The following RGS6 variants were observed in gnomAD, a reference collection of about 807,000 sequenced individuals.
RGS6 encodes the protein regulator of G-protein signaling 6.
RGS6 carries 30 observed loss-of-function variants against 78.5 expected under a neutral mutation model. The ratio of observed to expected loss-of-function variants is 0.38; its 90% CI spans 0.29 to 0.52. RGS6 has a LOEUF of 0.52. Among genes scored for constraint, RGS6 ranks in the 20% least tolerant of loss-of-function variants. The pLI, the probability that RGS6 is intolerant of heterozygous loss-of-function variation, is 0.85. For missense variants in RGS6, 495 were observed against 609.7 expected (o/e 0.81, Z 1.98); for synonymous variants, 206 against 206.0 (o/e 1.00, Z 0.00).
rs545309600 is a variant in RGS6, at chr14:72,478,389, C to T, written c.854+60C>T. ...CTAATTTAACAGGGAAGAAATGTTA[C>T]AGGGTTATGGTTAACGAATGTGTTC... is the stretch of plus-strand genomic sequence containing the variant. On this transcript the variant is annotated intron_variant, in intron 12 of 17. Coordinates refer to ENST00000553525, the MANE Select transcript of RGS6 (RefSeq NM_001204424.2). 4 of 1,207,260 alleles carry T rather than the reference C, an allele frequency of 3.3e-6. No homozygotes were observed. In the African/African-American group the frequency reaches 4.5e-5, roughly 14 times the overall value. 74.8% of individuals were successfully genotyped at this position (1,207,260 alleles called of 1,614,324 possible).
intron 2 of RGS6, among the ~76,000 whole-genome samples, chr14:72,217,202 G>A (rs1391089498): frequency 6.6e-6 from 1 of 152,120 alleles, no homozygotes; most frequent in East Asian, 1.9e-4. Flanking sequence ...GGTGGGAAAG[G>A]AACAGATTGT....
In RGS6 at chr14:72,135,679, G is replaced by T. The variant is rs998158620; in HGVS notation, c.84+170804G>T. ...TCTCCTAACATTTTTGTGGGGGTGG[G>T]TGGACTGGTGGGTGACTGTAGTGAT... On this transcript the variant is annotated intron_variant, in intron 2 of 17. Transcript: ENST00000553525. Among the ~76,000 whole-genome samples the T allele has an allele frequency of 2.0e-5, 3 of 152,010 alleles. No individual in the cohort carries two copies. In the South Asian group the frequency reaches 6.2e-4, roughly 32 times the overall value.
At chr14:71,891,173 T>A in the RGS6 span, among the ~76,000 whole-genome samples, 3 of 152,320 alleles carry the variant, frequency 2.0e-5, no homozygotes, top group Middle Eastern at 6.8e-3. Flanking sequence ...CTCACCCAGA[T>A]CTCCTGTAGG....
chr14:71,973,051 C>T lies in RGS6; in HGVS notation c.84+8176C>T, dbSNP rs142241072. ...TATCTGGGTATTTGTTCTGGCTGCC[C>T]CACTCCACTAGCTCATTTATGGCCA... On this transcript the variant is annotated intron_variant, in intron 2 of 17. Transcript: ENST00000553525. Among the ~76,000 whole-genome samples the T allele has an allele frequency of 6.8e-3, 1,029 of 152,250 alleles. 5 individuals are homozygous for T. Among genetic ancestry groups the T allele is most frequent in the Non-Finnish European group, 0.011 (781 of 67,998 alleles).
intron 3 of RGS6, among the ~76,000 whole-genome samples, chr14:72,405,963 C>T (rs554372541): frequency 3.6e-4 from 55 of 152,300 alleles, no homozygotes; most frequent in African/African-American, 1.2e-3. Context: ...AAGGTTTCCT[C>T]CAGGATTGCT....
chr14:72,601,168 G>T, the RGS6 span, among the ~76,000 whole-genome samples: 1 of 152,096 alleles, frequency 6.6e-6, no homozygotes, highest in Non-Finnish European at 1.5e-5. Context: ...AACCCGAAAG[G>T]GGGCTCAGCC....
At chr14:72,174,779 T>C (rs2097083157) in intron 2 of RGS6, among the ~76,000 whole-genome samples, 1 of 152,180 alleles carries the variant, frequency 6.6e-6, no homozygotes, top group Admixed American at 6.5e-5. Context: ...TATTCAACCA[T>C]TGAACAGCAT....
intron 2 of RGS6, among the ~76,000 whole-genome samples, chr14:72,130,193 G>A (rs1253483245): frequency 3.9e-5 from 6 of 152,190 alleles, no homozygotes. Context: ...GAGAATTTAT[G>A]TAGGGTGAGG....
rs186196268 is a variant in RGS6, at chr14:72,503,841, G to A, written c.966-6313G>A. ...GGCAGCATCATCCCCACAGCTTGGT[G>A]GGATGGCCCTACAGCAGCTTTCTCC... is the stretch of plus-strand genomic sequence containing the variant. On this transcript the variant is annotated intron_variant, in intron 13 of 17. Coordinates refer to ENST00000553525, the MANE Select transcript of RGS6 (RefSeq NM_001204424.2). Among the ~76,000 whole-genome samples the A allele has an allele frequency of 7.6e-4, 115 of 152,284 alleles. 1 individual carries two copies. The highest frequency in any genetic ancestry group is 1.7e-3 in the South Asian group (8 of 4,822).
At chr14:72,240,301 G>C (rs554263795) in intron 2 of RGS6, among the ~76,000 whole-genome samples, 1 of 152,290 alleles carries the variant, frequency 6.6e-6, no homozygotes, top group South Asian at 2.1e-4. Flanking sequence ...CAGTGAGTAG[G>C]CAAGTCAACT....
intron 2 of RGS6, among the ~76,000 whole-genome samples, chr14:71,993,668 AT>A: frequency 6.6e-6 from 1 of 152,164 alleles, no homozygotes; most frequent in Non-Finnish European, 1.5e-5. Flanking sequence ...TTACAGGTTT[AT>A]TATAGCCTTT....
At chr14:72,115,361 C>T (rs78141959) in intron 2 of RGS6, among the ~76,000 whole-genome samples, 7,267 of 152,204 alleles carry the variant, frequency 0.048, 214 homozygotes, top group African/African-American at 0.083. Context: ...AAAATGGACA[C>T]GAAGCTGGGG....
At chr14:72,544,987 G>A (rs1455071054) in intron 17 of RGS6, among the ~76,000 whole-genome samples, 1 of 152,234 alleles carries the variant, frequency 6.6e-6, no homozygotes, top group Non-Finnish European at 1.5e-5. Flanking sequence ...CAGGAAGGCG[G>A]TGTTGTTTTC....
At chr14:72,383,213 T>TATATACACAC (rs1387301746) in intron 3 of RGS6, among the ~76,000 whole-genome samples, 5 of 118,336 alleles carry the variant, frequency 4.2e-5, no homozygotes, top group African/African-American at 1.6e-4. Flanking sequence ...TATATATATA[T>TATATACACAC]ACACACAAAC....
chr14:72,295,528 A>G (rs928501895), intron 2 of RGS6, among the ~76,000 whole-genome samples: 3 of 152,174 alleles, frequency 2.0e-5, no homozygotes, highest in African/African-American at 7.2e-5. Flanking sequence ...GAGGGGAGAT[A>G]TGAAACAACG....
chr14:72,178,134 G>T (rs2097130285), intron 2 of RGS6, among the ~76,000 whole-genome samples: 1 of 152,168 alleles, frequency 6.6e-6, no homozygotes, highest in Admixed American at 6.5e-5. Context: ...ATAGGTTGGT[G>T]GACCATTTTC....
At chr14:72,193,798 A>G (rs10151019) in intron 2 of RGS6, among the ~76,000 whole-genome samples, 126,579 of 152,084 alleles carry the variant, frequency 0.83, 52,832 homozygotes, top group East Asian at 0.94. Context: ...CTGGTAGAAA[A>G]CTCTGAGTCC....
chr14:72,024,934 C>G (rs1270120565), intron 2 of RGS6, among the ~76,000 whole-genome samples: 6 of 152,164 alleles, frequency 3.9e-5, no homozygotes, highest in African/African-American at 1.4e-4. Flanking sequence ...ACACTCAGCT[C>G]TTGGCAGTTT....
At chr14:72,503,638 A>C (rs1303475220) in intron 13 of RGS6, among the ~76,000 whole-genome samples, 1 of 152,210 alleles carries the variant, frequency 6.6e-6, no homozygotes, top group Non-Finnish European at 1.5e-5. Flanking sequence ...TAAGTCCAAA[A>C]TGCAACAGGG....
Sources: gnomAD v4.1 joint callset for allele counts (sites outside exome capture counted in the v4.1 genomes callset) on GRCh38, gnomAD v4.1.1 for gene constraint, MANE v1.5 for transcripts, NCBI Gene and HGNC (gene_info 2026-07-23, HGNC 2026-07-21) for gene names.